Variants in WNK4 observed in about 807,000 individuals in gnomAD.
The protein encoded by WNK4 is serine/threonine-protein kinase WNK4.
A neutral mutation model predicts 116.2 loss-of-function variants in WNK4; 94 were observed. The ratio of observed to expected loss-of-function variants is 0.81; its 90% CI spans 0.68 to 0.96. The LOEUF (loss-of-function observed/expected upper bound fraction) is 0.96, where lower values mean the gene tolerates loss of function less well. Among genes scored for constraint, WNK4 ranks in the 40% least tolerant of loss-of-function variants. The pLI, the probability that WNK4 is intolerant of heterozygous loss-of-function variation, is 0.00. For missense variants in WNK4, 1,542 were observed against 1,650.6 expected, an observed-to-expected ratio of 0.93 and a Z score of 1.14; for synonymous variants, 655 against 672.7, an observed-to-expected ratio of 0.97 and a Z score of 0.41.
In WNK4 at chr17:42,787,468, C is replaced by A. The variant is rs1375998507; in HGVS notation, c.1667C>A (p.Pro556His). 1.3e-6 allele frequency: 2 copies of A among 1,505,884 alleles called. No individual in the cohort carries two copies. 93.3% of individuals were successfully genotyped at this position (1,505,884 alleles called of 1,614,324 possible). ...MAPGPPSVFP[P>H]EPEEPEADQH... ...CCCGGTCCCCCCAGTGTCTTCCCCC[C>A]TGAGCCTGAGGAGCCAGAGGCAGAC... The change falls in exon 7 of 19, where the codon CCT becomes CAT. Residue 556 changes from proline (P) to histidine (H), a missense_variant. Coordinates refer to ENST00000246914, the MANE Select transcript of WNK4 (RefSeq NM_032387.5).
rs756038970 is a variant in WNK4, at chr17:42,796,332, C to T, written c.3631+10C>T. On this transcript the variant is annotated intron_variant, in intron 17 of 18. Coordinates refer to ENST00000246914, the MANE Select transcript of WNK4 (RefSeq NM_032387.5). ...GAGCCCCCAGGCCCTGGTGAGACTG[C>T]AGTCACCCAGCTTCCATCTTTTCCC... 2.2e-5 allele frequency: 36 copies of T among 1,610,604 alleles called. No homozygotes were observed. The Middle Eastern group carries it at 1.5e-3, about 66-fold the overall frequency.
Position 42,780,870 on chromosome 17 carries a change from C to A in WNK4, c.172C>A (p.Arg58Ser), listed in dbSNP as rs778456079. Residue 58 changes from arginine to serine, a missense_variant, in exon 1 of 19, where the codon CGT (arginine) becomes AGT (serine). Transcript: ENST00000246914. ...GKAEPRPRSS[R>S]LSRRSSVDLG... ...GGCTGAGCCCCGGCCGCGCTCTTCT[C>A]GTCTCAGCCGCCGTAGCTCAGTCGA... 6.2e-7 allele frequency: 1 copy of A among 1,604,576 alleles called. No homozygotes were observed. The highest frequency in any genetic ancestry group is 1.3e-5 in the African/African-American group (1 of 75,030).
Position 42,780,878 on chromosome 17 carries a change from C to G in WNK4, c.180C>G (p.Ser60Arg), listed in dbSNP as rs2054474463. 6.2e-7 allele frequency: 1 copy of G among 1,605,208 alleles called. No individual in the cohort carries two copies. Among genetic ancestry groups the G allele is most frequent in the East Asian group, 2.2e-5 (1 of 44,854 alleles). The change falls in exon 1 of 19, where the codon AGC (serine) becomes AGG (arginine). Residue 60 changes from serine to arginine, a missense_variant. Ser to Arg is a moderately radical substitution (Grantham distance 110). Transcript: ENST00000246914. ...AEPRPRSSRL[S>R]RRSSVDLGLL... ...CCCGGCCGCGCTCTTCTCGTCTCAG[C>G]CGCCGTAGCTCAGTCGACTTGGGGC...
In WNK4 at chr17:42,787,687, C is replaced by T. The variant is rs1025171127; in HGVS notation, c.1742-91C>T. On this transcript the variant is annotated intron_variant, in intron 7 of 18. Transcript: ENST00000246914. ...CCTCCAGGAAGGAACTCTCCCACAG[C>T]TCCAGGCCCCTCCTTGCTTAGGCAG... The T allele has an allele frequency of 6.3e-6, 10 of 1,596,388 alleles. No individual in the cohort carries two copies. The African/African-American group carries it at 1.2e-4, about 19-fold the overall frequency.
At position 42,792,371 on chromosome 17, in the gene WNK4, A is replaced by T. The variant is rs563006441; in HGVS notation, c.2158-1221A>T. Among the ~76,000 whole-genome samples the T allele has an allele frequency of 5.9e-5, 9 of 152,312 alleles. No homozygotes were observed. In the East Asian group the frequency reaches 7.7e-4, roughly 13 times the overall value. The stretch of plus-strand genomic sequence containing the variant: ...TATTCTGTCTTTGGAATAGCATTTT[A>T]AAAAATTGTGATTAAAAAACCATAA... On this transcript the variant is annotated intron_variant, in intron 11 of 18. Coordinates refer to ENST00000246914, the MANE Select transcript of WNK4 (RefSeq NM_032387.5).
At chr17:42,791,681 G>A (rs916348543) in intron 11 of WNK4, among the ~76,000 whole-genome samples, 1 of 150,816 alleles carries the variant, frequency 6.6e-6, no homozygotes, top group South Asian at 2.1e-4. Context: ...TGAATAGGCC[G>A]GGCGCAGTGG....
chr17:42,796,901 C>A lies in WNK4; in HGVS notation c.*213C>A. ...TTGCTGTGTGGAGGTGTTAGTTCTG[C>A]TGCCTACCATCTTCATCTCTAGCAC... On this transcript the variant is annotated 3_prime_UTR_variant, in exon 19 of 19. Transcript: ENST00000246914. The A allele has an allele frequency of 1.1e-6, 1 of 907,690 alleles. No homozygotes were observed. The highest frequency in any genetic ancestry group is 1.7e-5 in the South Asian group (1 of 58,540). 56.2% of individuals were successfully genotyped at this position (907,690 alleles called of 1,614,324 possible). A position where few individuals can be genotyped will look rare whatever the true frequency, so the allele number is the denominator to read the frequency against.
At position 42,781,152 on chromosome 17, in the gene WNK4, C is replaced by T. The variant is rs1475401324; in HGVS notation, c.454C>T (p.Arg152Trp). 1 of 1,613,980 alleles carries T rather than the reference C, an allele frequency of 6.2e-7. No individual in the cohort carries two copies. The change falls in exon 1 of 19, where the codon CGG (arginine) becomes TGG (tryptophan). Residue 152 changes from arginine to tryptophan, a missense_variant. Coordinates refer to ENST00000246914, the MANE Select transcript of WNK4 (RefSeq NM_032387.5). The stretch of plus-strand genomic sequence containing the variant: ...TGAAGCTGTGGCCCTAGAGCGGCGG[C>T]GGGAGCAGGAAGAAAAGGAGGACAT... ...VPEAVALERR[R>W]EQEEKEDMET...
chr17:42,780,858 C>A lies in WNK4; in HGVS notation c.160C>A (p.Pro54Thr), dbSNP rs1333933200. 1 of 1,603,228 alleles carries A rather than the reference C, an allele frequency of 6.2e-7. No individual in the cohort carries two copies. Among genetic ancestry groups the A allele is most frequent in the Non-Finnish European group, 8.5e-7 (1 of 1,178,980 alleles). Residue 54 changes from proline (P) to threonine (T), a missense_variant, in exon 1 of 19, where the codon CCG becomes ACG. By Grantham distance (38) the Pro-to-Thr change is conservative. Coordinates refer to ENST00000246914, the MANE Select transcript of WNK4 (RefSeq NM_032387.5). ...RRFSGKAEPR[P>T]RSSRLSRRSS... is the part of the protein sequence containing the mutation. ...CTTCTCCGGGAAGGCTGAGCCCCGG[C>A]CGCGCTCTTCTCGTCTCAGCCGCCG...
intron 11 of WNK4, among the ~76,000 whole-genome samples, chr17:42,790,872 A>G (rs2054600549): frequency 1.3e-5 from 2 of 152,132 alleles, no homozygotes; most frequent in African/African-American, 4.8e-5. Context: ...TCTCTAAAGC[A>G]TCTCCTCCAT....
chr17:42,796,429 C>T (rs778326976), intron 17 of WNK4, 52 bp from the exon 18 acceptor site: 2 of 1,613,994 alleles, frequency 1.2e-6, no homozygotes, highest in Non-Finnish European at 1.7e-6. Flanking sequence ...ACCCCCTCTC[C>T]CCACCTCCCC....
intron 12 of WNK4, chr17:42,794,167 C>G (rs759360568): frequency 1.9e-5 from 6 of 316,876 alleles, no homozygotes; most frequent in Non-Finnish European, 2.4e-5. Context: ...AACAGTGGCT[C>G]TTAGCCCATT....
At chr17:42,783,110 T>G (rs1256167359) in intron 2 of WNK4, among the ~76,000 whole-genome samples, 180 bp downstream of exon 2, 1 of 152,158 alleles carries the variant, frequency 6.6e-6, no homozygotes, top group Non-Finnish European at 1.5e-5. Context: ...AGCACTCCAG[T>G]AAAATACTTG....
intron 10 of WNK4, 126 bp from the exon 11 acceptor site, chr17:42,788,555 T>G: frequency 8.7e-7 from 1 of 1,150,912 alleles, no homozygotes; most frequent in South Asian, 1.2e-5. Context: ...AATACCAGAC[T>G]TTAGAGGTGG....
chr17:42,784,813 TCTC>T lies in WNK4; in HGVS notation c.1170+235_1170+237del, dbSNP rs2054525732. On this transcript the variant is annotated intron_variant, in intron 4 of 18. Coordinates refer to ENST00000246914, the MANE Select transcript of WNK4 (RefSeq NM_032387.5). This position sits in a 1 kb window ranked among gnomAD's most constrained non-coding sequence, Gnocchi z 4.4. ...TTCACAAATGATTTCGCATCCCATC[TCTC>T]ATCCAATCCTTCCAGCTGCCCTGTG... Among the ~76,000 whole-genome samples, 1 of 151,934 alleles carries T rather than the reference TCTC, an allele frequency of 6.6e-6. No individual in the cohort carries two copies. Among genetic ancestry groups the T allele is most frequent in the African/African-American group, 2.4e-5 (1 of 41,300 alleles).
Position 42,784,183 on chromosome 17 carries a change from C to A in WNK4, c.1012+26C>A. On this transcript the variant is annotated intron_variant, in intron 3 of 18. Coordinates refer to ENST00000246914, the MANE Select transcript of WNK4 (RefSeq NM_032387.5). This position sits in a 1 kb window ranked among gnomAD's most constrained non-coding sequence, Gnocchi z 4.4. ...GTGCGTCTCTCCAGGAGGGTCCATG[C>A]CATTCCTTCCTCCCCCACCTCAGAA... The A allele has an allele frequency of 6.2e-7, 1 of 1,602,734 alleles. No homozygotes were observed. The highest frequency in any genetic ancestry group is 8.5e-7 in the Non-Finnish European group (1 of 1,179,416).
Position 42,795,453 on chromosome 17 carries a change from C to T in WNK4, c.2962-8C>T, listed in dbSNP as rs534383400. ...ACTCTTCCCTTCTCATGGCCCCCCACTTTCTAGGCCTCACCACCTCCTGCT... is the reference window on the plus strand; with the variant it reads ...ACTCTTCCCTTCTCATGGCCCCCCATTTTCTAGGCCTCACCACCTCCTGCT... On this transcript the variant is annotated splice_region_variant and splice_polypyrimidine_tract_variant and intron_variant, in intron 14 of 18. Coordinates refer to ENST00000246914, the MANE Select transcript of WNK4 (RefSeq NM_032387.5). 3.7e-6 allele frequency: 6 copies of T among 1,614,226 alleles called. No homozygotes were observed. Among genetic ancestry groups the T allele is most frequent in the African/African-American group, 2.7e-5 (2 of 75,034 alleles).
chr17:42,792,022 A>T (rs1023352070), intron 11 of WNK4, among the ~76,000 whole-genome samples: 4 of 152,024 alleles, frequency 2.6e-5, no homozygotes, highest in Non-Finnish European at 5.9e-5. Flanking sequence ...CTCTGCCTAG[A>T]CTGCTCTTCT....
chr17:42,788,368 T>G lies in WNK4; in HGVS notation c.2001T>G (p.Asn667Lys). ...AAATGAGGAGACCCCCAGGGAGGAA[T>G]CTCCGGCGCAGACCCCGATCCCGGC... is the stretch of plus-strand genomic sequence containing the variant. ...MGQMRRPPGR[N>K]LRRRPRSRLR... is the part of the protein sequence containing the mutation. Residue 667 changes from asparagine (N) to lysine (K), a missense_variant, in exon 10 of 19, where the codon AAT becomes AAG. This residue lies in a region of WNK4 where 808 missense variants were observed against 873.6 expected (regional missense o/e 0.92). Coordinates refer to ENST00000246914, the MANE Select transcript of WNK4 (RefSeq NM_032387.5). The G allele has an allele frequency of 2.5e-6, 4 of 1,613,244 alleles. No individual in the cohort carries two copies. Among genetic ancestry groups the G allele is most frequent in the Non-Finnish European group, 3.4e-6 (4 of 1,179,992 alleles).
Sources: allele counts gnomAD v4.1 joint callset (sites outside exome capture counted in the v4.1 genomes callset), GRCh38; gene constraint gnomAD v4.1.1; regional missense constraint gnomAD v4.1.1; non-coding constraint Gnocchi (gnomAD v3.1); transcripts MANE v1.5; gene names NCBI Gene and HGNC (gene_info 2026-07-23, HGNC 2026-07-21).